Variants in F10 observed in about 807,000 individuals in gnomAD.
F10 encodes coagulation factor X.
In F10, 29 loss-of-function variants were observed where a neutral mutation model predicts 37.1. The observed-to-expected ratio is 0.78, with a 90% CI of 0.58 to 1.07. F10 has a LOEUF of 1.07. Among genes scored for constraint, F10 ranks in the 50% least tolerant of loss-of-function variants. The pLI, the probability that F10 is intolerant of heterozygous loss-of-function variation, is 0.00. For missense variants in F10, 539 were observed against 667.9 expected, an observed-to-expected ratio of 0.81 and a Z score of 2.13; for synonymous variants, 262 against 268.6, an observed-to-expected ratio of 0.98 and a Z score of 0.24.
chr13:113,140,073 C>CTTTTTT (rs11398393), intron 4 of F10, among the ~76,000 whole-genome samples: 11 of 125,404 alleles, frequency 8.8e-5, no homozygotes, highest in Middle Eastern at 4.7e-3. Flanking sequence ...AATTGATCAT[C>CTTTTTT]TTTTTTTTTT....
intron 2 of F10, among the ~76,000 whole-genome samples, chr13:113,136,494 G>A (rs1187555568): frequency 2.1e-5 from 3 of 144,776 alleles, no homozygotes; most frequent in South Asian, 4.3e-4. Context: ...GAGTCTTCCC[G>A]TTGCCCAGGC....
At position 113,142,506 on chromosome 13, in the gene F10, G is replaced by A. The variant is rs560233179; in HGVS notation, c.503-1345G>A. On this transcript the variant is annotated intron_variant, in intron 5 of 7. Transcript: ENST00000375559. ...CGGAGCTTGCACTGAGCACTGAGCC[G>A]AGATTGCGCCACTGCGCTCCAGCCT... 1.2e-4 allele frequency among the ~76,000 whole-genome samples: 17 copies of A among 139,890 alleles called. 1 individual carries two copies. In the South Asian group the frequency reaches 1.3e-3, roughly 11 times the overall value. 91.8% of individuals were successfully genotyped at this position (139,890 alleles called of 152,430 possible). A position where few individuals can be genotyped will look rare whatever the true frequency, so the allele number is the denominator to read the frequency against.
chr13:113,147,312 TG>T, intron 6 of F10, 66 bp from the exon 7 acceptor site: 1 of 1,085,976 alleles, frequency 9.2e-7, no homozygotes, highest in Non-Finnish European at 1.4e-6. Context: ...CCTGAAGAGC[TG>T]GCTTCTCAGT....
At chr13:113,122,991 G>A in intron 1 of F10, 66 bp downstream of exon 1, 2 of 1,552,054 alleles carry the variant, frequency 1.3e-6, no homozygotes, top group Non-Finnish European at 1.8e-6. Context: ...GGCAGTTGGG[G>A]AAACCCTCTC....
In F10 at chr13:113,129,600, C is replaced by G. The variant is rs766511333; in HGVS notation, c.219C>G (p.Asp73Glu). The part of the protein sequence containing the change: ...SYEEAREVFE[D>E]SDKTNEFWNK... ...AAGAGGCCCGCGAGGTCTTTGAGGA[C>G]AGCGACAAGACGGTAAGGGCTGGGG... is the stretch of plus-strand genomic sequence containing the variant. Residue 73 changes from aspartate to glutamate, a missense_variant, in exon 2 of 8, where the codon GAC (aspartate) becomes GAG (glutamate). Transcript: ENST00000375559. The G allele has an allele frequency of 3.1e-6, 5 of 1,614,060 alleles. No homozygotes were observed. The highest frequency in any genetic ancestry group is 4.2e-6 in the Non-Finnish European group (5 of 1,180,032).
In F10 at chr13:113,129,772, G is replaced by A. The variant is rs562250308; in HGVS notation, c.231+160G>A. 7.0e-4 allele frequency among the ~76,000 whole-genome samples: 106 copies of A among 152,340 alleles called. 1 individual carries two copies. The highest frequency in any genetic ancestry group is 2.5e-3 in the African/African-American group (104 of 41,574). On this transcript the variant is annotated intron_variant, in intron 2 of 7. Coordinates refer to ENST00000375559, the MANE Select transcript of F10 (RefSeq NM_000504.4). ...CCCAGCAAATCGAGGCCTCGGCGGA[G>A]TCCTGCCCACAGGGACATCAGTGCC...
rs778379668 is a variant in F10 at position 113,129,557 on chromosome 13, A to C, written c.176A>C (p.Glu59Ala). The C allele has an allele frequency of 6.2e-7, 1 of 1,614,094 alleles. No homozygotes were observed. Among genetic ancestry groups the C allele is most frequent in the African/African-American group, 1.3e-5 (1 of 74,938 alleles). ...GGACACCTCGAAAGAGAGTGCATGG[A>C]AGAGACCTGCTCATACGAAGAGGCC... The part of the protein sequence containing the change: ...KKGHLERECM[E>A]ETCSYEEARE... The change falls in exon 2 of 8, where the codon GAA becomes GCA. Residue 59 changes from glutamate (E) to alanine (A), a missense_variant. By Grantham distance (107) the Glu-to-Ala change is moderately radical. Around this residue, in one of 2 missense-constraint regions of F10, gnomAD observed 130 missense variants for 120.0 expected, o/e 1.08. Transcript: ENST00000375559.
intron 5 of F10, among the ~76,000 whole-genome samples, chr13:113,142,659 C>T (rs927991959): frequency 1.4e-5 from 2 of 147,878 alleles, no homozygotes; most frequent in East Asian, 3.9e-4. Flanking sequence ...GGCAAGGTGG[C>T]TCACGCCTGT....
chr13:113,148,913 C>T lies in F10; in HGVS notation c.866-3C>T, dbSNP rs2036610364. On this transcript the variant is annotated splice_region_variant and splice_polypyrimidine_tract_variant and intron_variant, in intron 7 of 7. Coordinates refer to ENST00000375559, the MANE Select transcript of F10 (RefSeq NM_000504.4). ...TGAGCACAGTCCCACTCGTCTGTCC[C>T]AGGGGACCGGAACACGGAGCAGGAG... The T allele has an allele frequency of 6.2e-7, 1 of 1,613,316 alleles. No homozygotes were observed. Among genetic ancestry groups the T allele is most frequent in the East Asian group, 2.2e-5 (1 of 44,882 alleles).
In F10 at chr13:113,146,514, G is replaced by A. The variant is rs538772464; in HGVS notation, c.748-865G>A. On this transcript the variant is annotated intron_variant, in intron 6 of 7. Coordinates refer to ENST00000375559, the MANE Select transcript of F10 (RefSeq NM_000504.4). This position sits in a 1 kb window ranked among gnomAD's most constrained non-coding sequence, Gnocchi z 4.5. ...TTGCGATTCTTGTTTCCTGGTTCGA[G>A]TCTTGGCAAGTGGGCCTCATCTGCA... is the stretch of plus-strand genomic sequence containing the variant. Among the ~76,000 whole-genome samples, 1 of 152,182 alleles carries A rather than the reference G, an allele frequency of 6.6e-6. No individual in the cohort carries two copies. The highest frequency in any genetic ancestry group is 6.5e-5 in the Admixed American group (1 of 15,284).
At chr13:113,137,908 G>A (rs771543124) in intron 2 of F10, among the ~76,000 whole-genome samples, 6 of 152,166 alleles carry the variant, frequency 3.9e-5, no homozygotes, top group Admixed American at 6.5e-5. Flanking sequence ...TCCAATTAAG[G>A]TTCTATTCTG....
intron 1 of F10, among the ~76,000 whole-genome samples, chr13:113,124,278 C>T (rs1323104795): frequency 6.6e-6 from 1 of 152,232 alleles, no homozygotes; most frequent in Non-Finnish European, 1.5e-5. Context: ...GGAGCCCACC[C>T]AGACCCACAG....
Position 113,142,438 on chromosome 13 carries a change from T to C in F10, c.502+1388T>C, listed in dbSNP as rs1239548740. ...GGTGGTGCACGCCTGTAGTCCCAGC[T>C]GCTCAGGAGGCTGAGGCAAGAGAAT... is the stretch of plus-strand genomic sequence containing the variant. On this transcript the variant is annotated intron_variant, in intron 5 of 7. Transcript: ENST00000375559. 2.7e-5 allele frequency among the ~76,000 whole-genome samples: 4 copies of C among 146,014 alleles called. No homozygotes were observed. The East Asian group carries it at 5.9e-4, about 22-fold the overall frequency.
rs7985398 is a variant in F10, at chr13:113,141,550, G to A, written c.502+500G>A. Reference sequence around the variant, plus strand: ...TTACCAGGACCAGTGTTCATTGAACGTAGTTTTTCTTTTCCTTGATGAATG... The same window carrying A: ...TTACCAGGACCAGTGTTCATTGAACATAGTTTTTCTTTTCCTTGATGAATG... On this transcript the variant is annotated intron_variant, in intron 5 of 7. Transcript: ENST00000375559. This position sits in a 1 kb window ranked among gnomAD's most constrained non-coding sequence, Gnocchi z 5.4. 0.018 allele frequency among the ~76,000 whole-genome samples: 2,711 copies of A among 152,284 alleles called. 75 individuals are homozygous for A. The highest frequency in any genetic ancestry group is 0.06 in the African/African-American group (2,485 of 41,556).
chr13:113,146,493 G>A lies in F10; in HGVS notation c.748-886G>A, dbSNP rs181664752. ...CCTCGCCCAGCCTGTTGAGGTTTGC[G>A]ATTCTTGTTTCCTGGTTCGAGTCTT... On this transcript the variant is annotated intron_variant, in intron 6 of 7. Transcript: ENST00000375559. The surrounding 1 kb of genome is among the most constrained non-coding windows in gnomAD (Gnocchi z 4.5). 1.5e-3 allele frequency among the ~76,000 whole-genome samples: 225 copies of A among 152,312 alleles called. 2 individuals are homozygous for A. The highest frequency in any genetic ancestry group is 2.6e-3 in the Non-Finnish European group (178 of 68,024).
intron 3 of F10, among the ~76,000 whole-genome samples, chr13:113,138,974 C>A (rs2036503237): frequency 6.6e-6 from 1 of 152,238 alleles, no homozygotes. Flanking sequence ...TTTGCCTTCT[C>A]CTTTTGCCCC....
At position 113,143,730 on chromosome 13, in the gene F10, C is replaced by A; in HGVS notation, c.503-121C>A. ...GGCCTCGCCCTGCAAGCCCGCTGCC[C>A]CTCCGGGTGCCCCTGCGCTCTGCCT... is the stretch of plus-strand genomic sequence containing the variant. On this transcript the variant is annotated intron_variant, in intron 5 of 7. Transcript: ENST00000375559. This position sits in a 1 kb window ranked among gnomAD's most constrained non-coding sequence, Gnocchi z 6.8. 1 of 1,457,980 alleles carries A rather than the reference C, an allele frequency of 6.9e-7. No homozygotes were observed. Among genetic ancestry groups the A allele is most frequent in the Non-Finnish European group, 9.3e-7 (1 of 1,080,778 alleles). 90.3% of individuals were successfully genotyped at this position (1,457,980 alleles called of 1,614,324 possible). A position where few individuals can be genotyped will look rare whatever the true frequency, so the allele number is the denominator to read the frequency against.
At chr13:113,126,509 G>A (rs1052701101) in intron 1 of F10, among the ~76,000 whole-genome samples, 2 of 152,296 alleles carry the variant, frequency 1.3e-5, no homozygotes, top group Non-Finnish European at 2.9e-5. Flanking sequence ...GCAAGGGATC[G>A]ACCAGAGACA....
chr13:113,148,364 GTA>G (rs1285144261), intron 7 of F10, among the ~76,000 whole-genome samples: 9 of 73,698 alleles, frequency 1.2e-4, no homozygotes, highest in African/African-American at 4.7e-4. Flanking sequence ...ATATATATAT[GTA>G]TATATATATG....
Sources: gnomAD v4.1 joint callset for allele counts (sites outside exome capture counted in the v4.1 genomes callset) on GRCh38, gnomAD v4.1.1 for gene constraint, gnomAD v4.1.1 regional missense constraint, Gnocchi (gnomAD v3.1) non-coding constraint, MANE v1.5 for transcripts, NCBI Gene and HGNC (gene_info 2026-07-23, HGNC 2026-07-21) for gene names.